RIF1: variants seen among roughly 807,000 people sequenced by gnomAD.
The protein encoded by RIF1 is replication timing regulatory factor 1.
RIF1 carries 45 observed loss-of-function variants against 247.1 expected under a neutral mutation model. The ratio of observed to expected loss-of-function variants is 0.18; its 90% CI spans 0.14 to 0.23. The LOEUF is 0.23. Among genes scored for constraint, RIF1 ranks in the 10% least tolerant of loss-of-function variants. The pLI, the probability that RIF1 is intolerant of heterozygous loss-of-function variation, is 1.00. For missense variants in RIF1, 2,967 were observed against 2,862.5 expected (o/e 1.04, Z -0.83); for synonymous variants, 1,087 against 978.8 (o/e 1.11, Z -2.06).
intron 11 of RIF1, chr2:151,502,810 G>A (rs762540149): frequency 1.9e-6 from 3 of 1,599,826 alleles, no homozygotes; most frequent in Non-Finnish European, 1.7e-6. Context: ...AAGTTCTCTT[G>A]ATTGCGTTTG....
chr2:151,425,660 C>CTTTTTTTT lies in RIF1; in HGVS notation c.786+2633_786+2640dup, dbSNP rs34032157. Among the ~76,000 whole-genome samples, 72 of 83,694 alleles carry CTTTTTTTT rather than the reference C, an allele frequency of 8.6e-4. 1 individual carries two copies. The highest frequency in any genetic ancestry group is 0.016 in the Middle Eastern group (1 of 62). 54.9% of individuals were successfully genotyped at this position (83,694 alleles called of 152,430 possible). ...GTTTTTATTAAATCCTTGTGGTACC[C>CTTTTTTTT]TTTTTTTTTTTTTTTTTTTTTTGTG... On this transcript the variant is annotated intron_variant, in intron 8 of 35. Coordinates refer to ENST00000444746, the MANE Select transcript of RIF1 (RefSeq NM_018151.5).
At chr2:151,435,635 G>A (rs1691031952) in intron 11 of RIF1, 55 bp downstream of exon 11, 11 of 943,004 alleles carry the variant, frequency 1.2e-5, no homozygotes, top group Non-Finnish European at 1.7e-5. Context: ...TGTTGACCTA[G>A]AAGCATAGTT....
chr2:151,505,869 T>G, intron 12 of RIF1: 1 of 535,600 alleles, frequency 1.9e-6, no homozygotes, highest in South Asian at 2.4e-5. Context: ...GTCGTTTGAC[T>G]AGGATAAACA....
intron 11 of RIF1, chr2:151,502,885 C>CGGTTTT: frequency 6.4e-7 from 1 of 1,567,024 alleles, no homozygotes; most frequent in Non-Finnish European, 8.7e-7. Flanking sequence ...TTGTACAAAA[C>CGGTTTT]CTGTGAGATA....
In RIF1 at chr2:151,465,715, C is replaced by T; in HGVS notation, c.6195C>T (p.Asn2065=). The part of the protein sequence containing the change: ...ETNMLTAEMD[N]FVCDTVEMST... ...ACATGTTGACTGCAGAAATGGACAA[C>T]TTTGTTTGTGACACAGTTGAAATGA... is the stretch of plus-strand genomic sequence containing the variant. Residue 2065 remains asparagine (N), a synonymous_variant, in exon 30 of 36, where the codon AAC becomes AAT. Coordinates refer to ENST00000444746, the MANE Select transcript of RIF1 (RefSeq NM_018151.5). 6.2e-7 allele frequency: 1 copy of T among 1,614,172 alleles called. No individual in the cohort carries two copies. The highest frequency in any genetic ancestry group is 1.3e-5 in the African/African-American group (1 of 75,064).
chr2:151,461,127 C>A lies in RIF1; in HGVS notation c.3076-11C>A. ...TAAAATGTACATTTGCTTATTTTTT[C>A]AAATCTGCAGCTGAAACTTGAATCT... On this transcript the variant is annotated splice_polypyrimidine_tract_variant and intron_variant, in intron 26 of 35. Transcript: ENST00000444746. The A allele has an allele frequency of 1.3e-6, 2 of 1,596,344 alleles. No homozygotes were observed. The highest frequency in any genetic ancestry group is 2.3e-5 in the South Asian group (2 of 86,974).
At chr2:151,497,670 G>A in intron 10 of RIF1, 1 of 1,586,262 alleles carries the variant, frequency 6.3e-7, no homozygotes, top group Non-Finnish European at 8.6e-7. Flanking sequence ...TCCATCTCGG[G>A]AGTGACAGGT....
chr2:151,423,696 G>C (rs1311917705), intron 8 of RIF1: 1 of 152,180 alleles, frequency 6.6e-6, no homozygotes, highest in Admixed American at 6.5e-5. Flanking sequence ...AGTGTTCAAG[G>C]CTACTTTATA....
chr2:151,441,592 G>A (rs934136205), intron 15 of RIF1, among the ~76,000 whole-genome samples: 1 of 152,190 alleles, frequency 6.6e-6, no homozygotes, highest in African/African-American at 2.4e-5. Context: ...CCAAGAAGTT[G>A]TGTGTTTTTC....
Position 151,457,877 on chromosome 2 carries a change from G to A in RIF1, c.2769G>A (p.Lys923=), listed in dbSNP as rs1474314772. The A allele has an allele frequency of 1.2e-6, 2 of 1,613,778 alleles. No individual in the cohort carries two copies. The highest frequency in any genetic ancestry group is 1.7e-4 in the Middle Eastern group (1 of 6,058). ...TATTATGCATAATATTTCTGCACAA[G>A]AATAAACAGATTCGAAAACAGAGTG... ...SPLLCIIFLH[K]NKQIRKQSAQ... is the part of the protein sequence containing the mutation. Residue 923 remains lysine (K), a synonymous_variant, in exon 24 of 36, where the codon AAG becomes AAA. Coordinates refer to ENST00000444746, the MANE Select transcript of RIF1 (RefSeq NM_018151.5).
In RIF1 at chr2:151,465,784, TACTG is replaced by T. The variant is rs1696790234; in HGVS notation, c.6266_6269del (p.Thr2089SerfsTer9). On this transcript the variant is annotated frameshift_variant, in exon 30 of 36. Coordinates refer to ENST00000444746, the MANE Select transcript of RIF1 (RefSeq NM_018151.5). LOFTEE classifies it high-confidence loss of function. ...TTGACGCTAATAAAACTGAAACAAA[TACTG>T]AGTATAGTAAATCTGAAGAAAAATT... 2 of 1,613,002 alleles carry T rather than the reference TACTG, an allele frequency of 1.2e-6. No homozygotes were observed. Among genetic ancestry groups the T allele is most frequent in the Non-Finnish European group, 8.5e-7 (1 of 1,179,060 alleles).
Position 151,435,527 on chromosome 2 carries a change from C to A in RIF1, c.1142C>A (p.Ser381Ter). ...TCTAATGCCTCACCTCAGGGCAATTCGTGTCATGTAGCTACATCTCCAGGT... is the reference window on the plus strand; with the variant it reads ...TCTAATGCCTCACCTCAGGGCAATTAGTGTCATGTAGCTACATCTCCAGGT... The part of the protein sequence containing the change: ...IDSNASPQGN[S>*]CHVATSPGLN... Residue 381 changes from serine (S) to a stop codon, truncating the protein, a stop_gained, in exon 11 of 36, where the codon TCG (serine) becomes TAG (stop). Coordinates refer to ENST00000444746, the MANE Select transcript of RIF1 (RefSeq NM_018151.5). LOFTEE classifies it high-confidence loss of function. The A allele has an allele frequency of 1.2e-6, 2 of 1,612,484 alleles. No homozygotes were observed. The highest frequency in any genetic ancestry group is 1.7e-6 in the Non-Finnish European group (2 of 1,178,686).
In RIF1 at chr2:151,463,739, A is replaced by G. The variant is rs748783468; in HGVS notation, c.4219A>G (p.Ile1407Val). 6.2e-7 allele frequency: 1 copy of G among 1,613,960 alleles called. No individual in the cohort carries two copies. The highest frequency in any genetic ancestry group is 1.7e-5 in the Admixed American group (1 of 60,010). ...QMVNEDSQVQITPNQKTLRRS... is the reference protein window; with the variant it reads ...QMVNEDSQVQVTPNQKTLRRS... ...GGTAAATGAGGATAGTCAGGTTCAGATAACTCCAAATCAGAAAACCCTTAG... is the reference window on the plus strand; with the variant it reads ...GGTAAATGAGGATAGTCAGGTTCAGGTAACTCCAAATCAGAAAACCCTTAG... Residue 1407 changes from isoleucine to valine, a missense_variant, in exon 30 of 36, where the codon ATA (isoleucine) becomes GTA (valine). Around this residue, in one of 7 missense-constraint regions of RIF1, gnomAD observed 2,028 missense variants for 1,825.6 expected, o/e 1.11. Coordinates refer to ENST00000444746, the MANE Select transcript of RIF1 (RefSeq NM_018151.5).
intron 6 of RIF1, among the ~76,000 whole-genome samples, chr2:151,418,590 A>G (rs1687611522): frequency 6.6e-6 from 1 of 151,990 alleles, no homozygotes; most frequent in South Asian, 2.1e-4. Flanking sequence ...TCAGGCCTGT[A>G]AGAATAATTA....
chr2:151,457,336 T>G (rs1695371891), intron 23 of RIF1, among the ~76,000 whole-genome samples: 1 of 152,118 alleles, frequency 6.6e-6, no homozygotes, highest in Admixed American at 6.5e-5. Context: ...TTGCTCAGGC[T>G]CGTCTCAAAT....
rs1574024347 is a variant in RIF1, at chr2:151,443,814, T to C, written c.1986+105T>C. 2.4e-5 allele frequency: 16 copies of C among 661,624 alleles called. No individual in the cohort carries two copies. In the South Asian group the frequency reaches 5.1e-4, roughly 21 times the overall value. 41.0% of individuals were successfully genotyped at this position (661,624 alleles called of 1,614,324 possible). A position where few individuals can be genotyped will look rare whatever the true frequency, so the allele number is the denominator to read the frequency against. ...TTGAATTTGAATAGAAGATGGTAAATATTTTTTCTGGTGGAATTGGTAAAC... is the reference window on the plus strand; with the variant it reads ...TTGAATTTGAATAGAAGATGGTAAACATTTTTTCTGGTGGAATTGGTAAAC... On this transcript the variant is annotated intron_variant, in intron 18 of 35. Transcript: ENST00000444746.
downstream of RIF1, chr2:151,485,865 A>G: frequency 6.2e-7 from 1 of 1,614,028 alleles, no homozygotes; most frequent in Non-Finnish European, 8.5e-7. Flanking sequence ...TTATGATGGC[A>G]TCTCCATCCT....
intron 4 of RIF1, 140 bp downstream of exon 4, chr2:151,415,059 A>G: frequency 1.6e-6 from 1 of 606,588 alleles, no homozygotes; most frequent in Non-Finnish European, 2.8e-6. Context: ...TTTAAGAAAG[A>G]AAGAATGGCT....
At chr2:151,446,682 A>G in intron 20 of RIF1, 107 bp downstream of exon 20, 1 of 1,131,156 alleles carries the variant, frequency 8.8e-7, no homozygotes, top group Non-Finnish European at 1.3e-6. Context: ...CTCTATTTAT[A>G]TGTGATAAAG....
Sources: gnomAD v4.1 joint callset for allele counts (sites outside exome capture counted in the v4.1 genomes callset) on GRCh38, gnomAD v4.1.1 for gene constraint, gnomAD v4.1.1 regional missense constraint, MANE v1.5 for transcripts, NCBI Gene and HGNC (gene_info 2026-07-23, HGNC 2026-07-21) for gene names.